The following RAPGEF4 variants were observed in gnomAD, a reference collection of about 807,000 sequenced individuals.
RAPGEF4 encodes RAP guanine-nucleotide-exchange factor (GEF) 4.
RAPGEF4 carries 66 observed loss-of-function variants against 147.9 expected under a neutral mutation model. That is an observed-to-expected ratio of 0.45 (90% confidence interval 0.37 to 0.55). The LOEUF is 0.55. Ranked by LOEUF, RAPGEF4 falls within the 20% of genes least tolerant of loss-of-function variation. The pLI is 0.00. For synonymous variants in RAPGEF4, 419 were observed against 442.7 expected (o/e 0.95, Z 0.67); for missense variants, 1,071 against 1,257.3 (o/e 0.85, Z 2.24).
intron 4 of RAPGEF4, among the ~76,000 whole-genome samples, chr2:172,878,581 G>C (rs1011967144): frequency 6.6e-6 from 1 of 152,190 alleles, no homozygotes; most frequent in Non-Finnish European, 1.5e-5. Context: ...TTCACTGAGA[G>C]CCATCAGAAC....
intron 1 of RAPGEF4, among the ~76,000 whole-genome samples, chr2:172,754,626 T>C (rs753655942): frequency 3.2e-4 from 48 of 152,300 alleles, no homozygotes; most frequent in Middle Eastern, 3.4e-3. Context: ...CACTGGGGAA[T>C]TGGAACCCCA....
chr2:172,810,527 G>A (rs562754561), intron 3 of RAPGEF4, among the ~76,000 whole-genome samples: 1 of 152,208 alleles, frequency 6.6e-6, no homozygotes, highest in Non-Finnish European at 1.5e-5. Context: ...AGGAGGAGAA[G>A]GAGTGATCCA....
chr2:172,864,464 G>C (rs1181685076), intron 4 of RAPGEF4, among the ~76,000 whole-genome samples: 2 of 152,148 alleles, frequency 1.3e-5, no homozygotes, highest in South Asian at 2.1e-4. Context: ...CTCTTGACTG[G>C]GTAGACCTGA....
At chr2:172,798,038 G>A (rs778657967) in intron 3 of RAPGEF4, among the ~76,000 whole-genome samples, 1 of 152,190 alleles carries the variant, frequency 6.6e-6, no homozygotes, top group Non-Finnish European at 1.5e-5. Flanking sequence ...CATCGGCCTT[G>A]TAGGAGATCT....
rs59338912 is a variant in RAPGEF4 at position 173,031,221 on chromosome 2, T to C, written c.2649+967T>C. 3.3e-3 allele frequency among the ~76,000 whole-genome samples: 505 copies of C among 152,322 alleles called. 3 individuals carry two copies. The highest frequency in any genetic ancestry group is 0.012 in the African/African-American group (484 of 41,570). On this transcript the variant is annotated intron_variant, in intron 26 of 30. Coordinates refer to ENST00000397081, the MANE Select transcript of RAPGEF4 (RefSeq NM_007023.4). ...TAGGGCAGGTCCTCACAAGTCCTTC[T>C]GTCTTGGGTTTCTCTTAAAATTCCA...
chr2:172,827,468 A>G (rs1689793680), intron 4 of RAPGEF4, among the ~76,000 whole-genome samples: 2 of 152,030 alleles, frequency 1.3e-5, no homozygotes, highest in Non-Finnish European at 2.9e-5. Context: ...AATCAGTCAT[A>G]TAACCTCTTC....
intron 10 of RAPGEF4, among the ~76,000 whole-genome samples, chr2:172,980,398 G>A (rs1691550961): frequency 6.6e-6 from 1 of 152,174 alleles, no homozygotes; most frequent in African/African-American, 2.4e-5. Context: ...GATGGAAGTT[G>A]AGGGTTTTTC....
intron 17 of RAPGEF4, among the ~76,000 whole-genome samples, chr2:173,002,015 A>AAAAAAAAAAAAAAAAAAAAAAC (rs397986704): frequency 7.0e-6 from 1 of 142,800 alleles, no homozygotes; most frequent in African/African-American, 2.6e-5. Context: ...AAAAAAAAAA[A>AAAAAAAAAAAAAAAAAAAAAAC]TCCATTGCCT....
intron 23 of RAPGEF4, among the ~76,000 whole-genome samples, chr2:173,022,042 TG>T (rs1046947470): frequency 8.6e-4 from 131 of 152,284 alleles, no homozygotes; most frequent in African/African-American, 3.1e-3. Context: ...ACTGAAGGAT[TG>T]GGGAAAAAAA....
chr2:172,783,934 G>T (rs1684938032), intron 1 of RAPGEF4, among the ~76,000 whole-genome samples: 2 of 152,092 alleles, frequency 1.3e-5, no homozygotes, highest in Admixed American at 6.6e-5. Flanking sequence ...CATAAAAAAA[G>T]AAATGAGAAG....
Position 173,018,702 on chromosome 2 carries a change from G to A in RAPGEF4, c.2055G>A (p.Arg685=). The A allele has an allele frequency of 6.2e-7, 1 of 1,614,050 alleles. No homozygotes were observed. Among genetic ancestry groups the A allele is most frequent in the Middle Eastern group, 1.6e-4 (1 of 6,062 alleles). ...YCMDHTYTTI[R]VPVATSVKEV... is the part of the protein sequence containing the mutation. The stretch of plus-strand genomic sequence containing the variant: ...TGGACCACACCTACACAACCATTCG[G>A]GTGCCAGTGGCCACTTCGGTGAAGG... Residue 685 remains arginine (R), a synonymous_variant, in exon 22 of 31, where the codon CGG becomes CGA. Coordinates refer to ENST00000397081, the MANE Select transcript of RAPGEF4 (RefSeq NM_007023.4).
chr2:172,964,430 A>C (rs993840270), intron 8 of RAPGEF4, among the ~76,000 whole-genome samples: 1 of 115,438 alleles, frequency 8.7e-6, no homozygotes, highest in Non-Finnish European at 1.8e-5. Context: ...TTTTTACGGC[A>C]AAGAAAGTGA....
intron 4 of RAPGEF4, among the ~76,000 whole-genome samples, chr2:172,886,883 C>A (rs1400673937): frequency 1.3e-5 from 2 of 152,124 alleles, no homozygotes. Flanking sequence ...AAAGCATGCC[C>A]TAGCTATTTA....
intron 23 of RAPGEF4, among the ~76,000 whole-genome samples, chr2:173,021,118 T>C (rs909593838): frequency 2.6e-4 from 40 of 152,356 alleles, no homozygotes; most frequent in Non-Finnish European, 1.2e-4. Context: ...AGAAATGCTG[T>C]TCCCCAAAAG....
intron 21 of RAPGEF4, among the ~76,000 whole-genome samples, chr2:173,018,386 T>A (rs1213480491): frequency 6.6e-6 from 1 of 152,166 alleles, no homozygotes; most frequent in East Asian, 1.9e-4. Context: ...TACTCTCAAT[T>A]TTTTCCCATG....
At chr2:172,898,111 G>A (rs1230849374) in intron 4 of RAPGEF4, among the ~76,000 whole-genome samples, 3 of 152,186 alleles carry the variant, frequency 2.0e-5, no homozygotes, top group Non-Finnish European at 2.9e-5. Context: ...GTTAAAAAGA[G>A]GGATGTGGGA....
At chr2:173,011,547 CCT>C (rs145215817) in intron 17 of RAPGEF4, among the ~76,000 whole-genome samples, 3 of 150,578 alleles carry the variant, frequency 2.0e-5, no homozygotes, top group Admixed American at 6.6e-5. Flanking sequence ...AAGAATCTTT[CCT>C]CTCTCTCTCT....
intron 10 of RAPGEF4, among the ~76,000 whole-genome samples, chr2:172,970,760 A>G (rs976757380): frequency 5.9e-5 from 9 of 152,238 alleles, no homozygotes; most frequent in African/African-American, 4.8e-5. Flanking sequence ...AACAGAATAG[A>G]GCTTCAGGGG....
intron 3 of RAPGEF4, among the ~76,000 whole-genome samples, chr2:172,803,294 C>T (rs1421066162): frequency 1.3e-5 from 2 of 152,242 alleles, no homozygotes; most frequent in African/African-American, 4.8e-5. Flanking sequence ...CATACATCCT[C>T]TGAAATCTAG....
Sources: allele counts gnomAD v4.1 joint callset (sites outside exome capture counted in the v4.1 genomes callset), GRCh38; gene constraint gnomAD v4.1.1; transcripts MANE v1.5; gene names NCBI Gene and HGNC (gene_info 2026-07-23, HGNC 2026-07-21).